Variants in NAALADL2 observed in about 807,000 individuals in gnomAD.
NAALADL2 encodes inactive N-acetylated-alpha-linked acidic dipeptidase-like protein 2.
NAALADL2 carries 76 observed loss-of-function variants against 87.2 expected under a neutral mutation model. The ratio of observed to expected loss-of-function variants is 0.87; its 90% CI spans 0.72 to 1.05. The LOEUF (loss-of-function observed/expected upper bound fraction) is 1.05, where lower values mean the gene tolerates loss of function less well. Among genes scored for constraint, NAALADL2 ranks in the 50% least tolerant of loss-of-function variants. The probability of loss-of-function intolerance (pLI) is 0.00; values close to 1 mark genes in which losing one functional copy is unlikely to be tolerated. For synonymous variants in NAALADL2, 354 were observed against 331.0 expected (o/e 1.07, Z -0.75); for missense variants, 1,089 against 945.8 (o/e 1.15, Z -1.99).
rs79442792 is a variant in NAALADL2 at position 175,107,769 on chromosome 3, T to A, written c.545+10478T>A. On this transcript the variant is annotated intron_variant, in intron 2 of 13. Coordinates refer to ENST00000454872, the MANE Select transcript of NAALADL2 (RefSeq NM_207015.3). Reference sequence around the variant, plus strand: ...TCATTAAAAAATTTCAGATTTTTTTTAATGTGGTAATATTAAGTCTATGAA... The same window carrying A: ...TCATTAAAAAATTTCAGATTTTTTTAAATGTGGTAATATTAAGTCTATGAA... 5.2e-3 allele frequency among the ~76,000 whole-genome samples: 766 copies of A among 147,138 alleles called. 5 individuals are homozygous for A. The highest frequency in any genetic ancestry group is 0.016 in the African/African-American group (636 of 39,274).
At chr3:175,802,108 CATA>C (rs1358732369) in intron 13 of NAALADL2, among the ~76,000 whole-genome samples, 1 of 151,634 alleles carries the variant, frequency 6.6e-6, no homozygotes, top group Non-Finnish European at 1.5e-5. Flanking sequence ...AAATTCCAGA[CATA>C]ATAACATTTC....
At chr3:175,398,979 A>G (rs1015913051) in intron 5 of NAALADL2, among the ~76,000 whole-genome samples, 1 of 152,030 alleles carries the variant, frequency 6.6e-6, no homozygotes, top group Non-Finnish European at 1.5e-5. Context: ...TAAACAGAGT[A>G]GAGCATTCTC....
chr3:175,043,647 A>T (rs1754346043), intron 1 of NAALADL2, among the ~76,000 whole-genome samples: 1 of 152,080 alleles, frequency 6.6e-6, no homozygotes, highest in Non-Finnish European at 1.5e-5. Context: ...TCATTTCCAC[A>T]TTGTGTATTT....
chr3:174,774,129 C>T (rs1714918976), intron 3 of NAALADL2, among the ~76,000 whole-genome samples: 1 of 152,092 alleles, frequency 6.6e-6, no homozygotes, highest in Non-Finnish European at 1.5e-5. Flanking sequence ...ACCCACAGCT[C>T]CTAGTTGTTG....
intron 11 of NAALADL2, among the ~76,000 whole-genome samples, chr3:175,719,587 A>G (rs772397685): frequency 2.0e-5 from 3 of 152,152 alleles, no homozygotes; most frequent in South Asian, 4.1e-4. Context: ...TATTTCCAAG[A>G]TGATTTTTTT....
intron 8 of NAALADL2, among the ~76,000 whole-genome samples, chr3:175,470,086 A>C (rs1284603392): frequency 6.6e-6 from 1 of 152,096 alleles, no homozygotes; most frequent in African/African-American, 2.4e-5. Context: ...GGCTTCTTTT[A>C]GTTAGCATAG....
intron 2 of NAALADL2, among the ~76,000 whole-genome samples, chr3:174,575,140 T>A (rs913704349): frequency 2.0e-5 from 3 of 152,098 alleles, no homozygotes; most frequent in Non-Finnish European, 2.9e-5. Flanking sequence ...TTAAAAAAAA[T>A]TTAAATAATT....
intron 5 of NAALADL2, among the ~76,000 whole-genome samples, chr3:175,401,273 T>C (rs1294878063): frequency 6.6e-6 from 1 of 152,092 alleles, no homozygotes. Context: ...AGATGGAAAG[T>C]TTTGCTTTGA....
intron 4 of NAALADL2, among the ~76,000 whole-genome samples, chr3:175,318,891 T>A (rs979482105): frequency 2.0e-5 from 3 of 152,238 alleles, no homozygotes; most frequent in Non-Finnish European, 4.4e-5. Flanking sequence ...AGGAAGCAGC[T>A]TTTTTAGTCT....
At chr3:175,435,276 TGAAAATACA>T (rs1718429199) in intron 5 of NAALADL2, among the ~76,000 whole-genome samples, 1 of 152,010 alleles carries the variant, frequency 6.6e-6, no homozygotes, top group African/African-American at 2.4e-5. Context: ...ATCATCCACT[TGAAAATACA>T]GGATTGTTCT....
At chr3:175,453,647 G>A (rs972074232) in intron 6 of NAALADL2, among the ~76,000 whole-genome samples, 3 of 152,070 alleles carry the variant, frequency 2.0e-5, no homozygotes, top group Admixed American at 2.0e-4. Context: ...ATTAGAATAT[G>A]TTGTTTCCTC....
At chr3:174,728,810 G>A (rs915846764) in intron 2 of NAALADL2, among the ~76,000 whole-genome samples, 4 of 152,054 alleles carry the variant, frequency 2.6e-5, no homozygotes, top group African/African-American at 4.8e-5. Flanking sequence ...AGTTATCCTC[G>A]AAACCACAGA....
intron 1 of NAALADL2, among the ~76,000 whole-genome samples, chr3:174,880,941 G>C (rs967516410): frequency 1.3e-5 from 2 of 152,004 alleles, no homozygotes; most frequent in African/African-American, 4.8e-5. Flanking sequence ...GGAATTCCTT[G>C]GCTTGAAGCT....
chr3:174,776,283 G>C (rs1715204216), intron 3 of NAALADL2, among the ~76,000 whole-genome samples: 1 of 152,126 alleles, frequency 6.6e-6, no homozygotes, highest in African/African-American at 2.4e-5. Flanking sequence ...GCCTGAGGCT[G>C]TTGAGTGACT....
chr3:174,955,300 C>T (rs1015711438), intron 1 of NAALADL2, among the ~76,000 whole-genome samples: 9 of 152,086 alleles, frequency 5.9e-5, no homozygotes, highest in Middle Eastern at 3.2e-3. Flanking sequence ...AAAACAATTT[C>T]TTTCACATTC....
intron 1 of NAALADL2, among the ~76,000 whole-genome samples, chr3:175,029,613 C>T (rs182756370): frequency 2.2e-4 from 34 of 152,156 alleles, no homozygotes; most frequent in African/African-American, 6.7e-4. Flanking sequence ...AATAACACTA[C>T]ACCTATGCAA....
At chr3:174,719,832 T>TTGCCAGCCTGGAGTGGAG (rs1731537196) in intron 2 of NAALADL2, among the ~76,000 whole-genome samples, 1 of 152,184 alleles carries the variant, frequency 6.6e-6, no homozygotes, top group African/African-American at 2.4e-5. Flanking sequence ...TCTTGCTCTG[T>TTGCCAGCCTGGAGTGGAG]TGCCAGCCTG....
At chr3:174,548,509 C>T in intron 1 of NAALADL2, among the ~76,000 whole-genome samples, 1 of 151,988 alleles carries the variant, frequency 6.6e-6, no homozygotes, top group East Asian at 1.9e-4. Context: ...GTATGTATTA[C>T]TTTAAAAATA....
intron 10 of NAALADL2, among the ~76,000 whole-genome samples, chr3:175,599,023 G>A (rs900304461): frequency 6.6e-6 from 1 of 152,076 alleles, no homozygotes; most frequent in Non-Finnish European, 1.5e-5. Context: ...GAGTGCAGGT[G>A]TTACTTAGCG....
Sources: allele counts gnomAD v4.1 joint callset (sites outside exome capture counted in the v4.1 genomes callset), GRCh38; gene constraint gnomAD v4.1.1; transcripts MANE v1.5; gene names NCBI Gene and HGNC (gene_info 2026-07-23, HGNC 2026-07-21).